The following ZBTB49 variants were observed in gnomAD, a reference collection of about 807,000 sequenced individuals.
ZBTB49 encodes the protein zinc finger and BTB domain-containing protein 49.
ZBTB49 carries 43 observed loss-of-function variants against 57.5 expected under a neutral mutation model. The ratio of observed to expected loss-of-function variants is 0.75; its 90% CI spans 0.59 to 0.97. The LOEUF (loss-of-function observed/expected upper bound fraction) is 0.97. Among genes scored for constraint, ZBTB49 ranks in the 50% least tolerant of loss-of-function variants. The pLI, the probability that ZBTB49 is intolerant of heterozygous loss-of-function variation, is 0.00. For missense variants in ZBTB49, 938 were observed against 947.7 expected (o/e 0.99, Z 0.13); for synonymous variants, 369 against 362.1 (o/e 1.02, Z -0.22).
chr4:4,301,922 T>C (rs1720488120), intron 2 of ZBTB49, 67 bp from the exon 3 acceptor site: 1 of 1,362,376 alleles, frequency 7.3e-7, no homozygotes, highest in Non-Finnish European at 9.6e-7. Flanking sequence ...AATATATGAA[T>C]GTTATTTATA....
chr4:4,311,899 A>G (rs925806841), intron 4 of ZBTB49, among the ~76,000 whole-genome samples: 2 of 151,062 alleles, frequency 1.3e-5, no homozygotes, highest in African/African-American at 2.4e-5. Context: ...GATAGACATG[A>G]TGAATCTTTC....
intron 4 of ZBTB49, among the ~76,000 whole-genome samples, chr4:4,311,315 G>A (rs1017012320): frequency 6.6e-6 from 1 of 152,088 alleles, no homozygotes; most frequent in African/African-American, 2.4e-5. Context: ...GAAAAAAGAG[G>A]GCTCTAATTT....
chr4:4,306,797 A>C (rs887212999), intron 4 of ZBTB49, among the ~76,000 whole-genome samples: 27 of 152,342 alleles, frequency 1.8e-4, no homozygotes, highest in African/African-American at 6.3e-4. Flanking sequence ...TCTGAAACAG[A>C]AGGTAACTAT....
rs542370137 is a variant in ZBTB49, at chr4:4,320,520, G to A, written c.1622-120G>A. The A allele has an allele frequency of 4.0e-5, 51 of 1,271,966 alleles. 1 individual carries two copies. The African/African-American group carries it at 5.0e-4, about 12-fold the overall frequency. The allele number at this position is 1,271,966 out of a possible 1,614,324, so 78.8% of individuals were successfully genotyped here. On this transcript the variant is annotated intron_variant, in intron 7 of 7. Coordinates refer to ENST00000337872, the MANE Select transcript of ZBTB49 (RefSeq NM_145291.4). ...CCAGGCGTGGTGTCATGCGCCTGTCGTCCCAGCTACTTGAGAGGCTGAGGA... is the reference window on the plus strand; with the variant it reads ...CCAGGCGTGGTGTCATGCGCCTGTCATCCCAGCTACTTGAGAGGCTGAGGA...
At chr4:4,308,801 G>C (rs538644513) in intron 4 of ZBTB49, among the ~76,000 whole-genome samples, 28 of 152,288 alleles carry the variant, frequency 1.8e-4, no homozygotes, top group Admixed American at 5.2e-4. Flanking sequence ...TGGAACTGCT[G>C]ACAGTTATCT....
At chr4:4,292,272 C>T (rs1438331005) in intron 1 of ZBTB49, among the ~76,000 whole-genome samples, 1 of 152,160 alleles carries the variant, frequency 6.6e-6, no homozygotes, top group Non-Finnish European at 1.5e-5. Flanking sequence ...CTGAGCAAGA[C>T]TGCGTCTCGG....
Position 4,321,229 on chromosome 4 carries a change from G to A in ZBTB49, c.2211G>A (p.Arg737=), listed in dbSNP as rs572823393. The change falls in exon 8 of 8, where the codon AGG becomes AGA. Residue 737 remains arginine (R), a synonymous_variant. Coordinates refer to ENST00000337872, the MANE Select transcript of ZBTB49 (RefSeq NM_145291.4). ...GTCGAGCATCTTCCACCACTTATAG[G>A]AACTCAGAGGGTCAGTTTTTCTCCA... ...LGSRASSTTY[R]NSEGQFFSSM... is the part of the protein sequence containing the mutation. 6.2e-7 allele frequency: 1 copy of A among 1,614,172 alleles called. No homozygotes were observed. The highest frequency in any genetic ancestry group is 1.3e-5 in the African/African-American group (1 of 75,036).
chr4:4,292,217 G>T (rs1719976304), intron 1 of ZBTB49, among the ~76,000 whole-genome samples: 1 of 152,160 alleles, frequency 6.6e-6, no homozygotes, highest in Non-Finnish European at 1.5e-5. Flanking sequence ...GGAGGTGGAG[G>T]TTGCACTGAG....
chr4:4,294,879 G>GTGTGTGTGTA (rs1720117515), intron 1 of ZBTB49, among the ~76,000 whole-genome samples: 4 of 117,020 alleles, frequency 3.4e-5, no homozygotes, highest in African/African-American at 9.5e-5. Flanking sequence ...TTTCGTGTGT[G>GTGTGTGTGTA]TGTGTGTGTG....
At chr4:4,299,519 AT>A (rs1372238722) in intron 1 of ZBTB49, among the ~76,000 whole-genome samples, 1 of 152,038 alleles carries the variant, frequency 6.6e-6, no homozygotes, top group African/African-American at 2.4e-5. Context: ...TATTATTTTA[AT>A]TTTTATTTGA....
chr4:4,320,246 T>C (rs1223029290), intron 7 of ZBTB49, among the ~76,000 whole-genome samples: 5 of 152,168 alleles, frequency 3.3e-5, no homozygotes, highest in African/African-American at 9.6e-5. Context: ...GGACTGACAC[T>C]GAGATACTCA....
At chr4:4,299,778 TG>T (rs373386529) in intron 1 of ZBTB49, 148 bp from the exon 2 acceptor site, 200,456 of 513,010 alleles carry the variant, frequency 0.39, 23,862 homozygotes, top group Middle Eastern at 0.45. Context: ...GAAACAGAGG[TG>T]TGTGTGTGTG....
At chr4:4,305,993 A>C in intron 3 of ZBTB49, 145 bp from the exon 4 acceptor site, 1 of 608,874 alleles carries the variant, frequency 1.6e-6, no homozygotes, top group Non-Finnish European at 2.9e-6. Flanking sequence ...AGAGAAATAT[A>C]AGGAAGTAGA....
At chr4:4,319,575 C>T (rs1399685482) in intron 7 of ZBTB49, among the ~76,000 whole-genome samples, 1 of 152,266 alleles carries the variant, frequency 6.6e-6, no homozygotes, top group Non-Finnish European at 1.5e-5. Context: ...AACCCCAGCA[C>T]TTTGGGAGGC....
chr4:4,291,659 T>C (rs886873924), intron 1 of ZBTB49, among the ~76,000 whole-genome samples: 1 of 152,272 alleles, frequency 6.6e-6, no homozygotes, highest in African/African-American at 2.4e-5. Context: ...GCTCTCGTAC[T>C]GTTTTTGGGT....
intron 1 of ZBTB49, among the ~76,000 whole-genome samples, chr4:4,293,942 A>T (rs1720063620): frequency 6.6e-6 from 1 of 152,224 alleles, no homozygotes; most frequent in Admixed American, 6.5e-5. Flanking sequence ...AGGGAAGGAG[A>T]CCTAGACTCC....
Position 4,321,153 on chromosome 4 carries a change from T to C in ZBTB49, c.2135T>C (p.Ile712Thr). The change falls in exon 8 of 8, where the codon ATC becomes ACC. Residue 712 changes from isoleucine (I) to threonine (T), a missense_variant. Transcript: ENST00000337872. ...CTGCAGGCCGATGGCATGGCCATGA[T>C]CCGTTCCTCTCTGGCTGCTTTGGAC... ...EPLQADGMAM[I>T]RSSLAALDNH... The C allele has an allele frequency of 6.2e-7, 1 of 1,614,178 alleles. No individual in the cohort carries two copies. Among genetic ancestry groups the C allele is most frequent in the South Asian group, 1.1e-5 (1 of 91,078 alleles).
intron 7 of ZBTB49, among the ~76,000 whole-genome samples, chr4:4,318,115 C>A (rs1253820456): frequency 6.6e-6 from 1 of 152,150 alleles, no homozygotes; most frequent in African/African-American, 2.4e-5. Context: ...GCGTCATTCC[C>A]CTGTGCCCTC....
rs928923802 is a variant in ZBTB49, at chr4:4,320,872, C to T, written c.1854C>T (p.Ser618=). Residue 618 remains serine, a synonymous_variant, in exon 8 of 8, where the codon TCC becomes TCT. Coordinates refer to ENST00000337872, the MANE Select transcript of ZBTB49 (RefSeq NM_145291.4). ...LEKSQSSDSF[S]QDTSVTLMPV... is the part of the protein sequence containing the mutation. ...AATCTCAGAGCTCAGACTCTTTCTCCCAAGACACGTCTGTGACGCTGATGC... is the reference window on the plus strand; with the variant it reads ...AATCTCAGAGCTCAGACTCTTTCTCTCAAGACACGTCTGTGACGCTGATGC... 6 of 1,614,086 alleles carry T rather than the reference C, an allele frequency of 3.7e-6. No individual in the cohort carries two copies. The highest frequency in any genetic ancestry group is 3.3e-4 in the Middle Eastern group (2 of 6,084).
Sources: gnomAD v4.1 joint callset for allele counts (sites outside exome capture counted in the v4.1 genomes callset) on GRCh38, gnomAD v4.1.1 for gene constraint, MANE v1.5 for transcripts, NCBI Gene and HGNC (gene_info 2026-07-23, HGNC 2026-07-21) for gene names.